The following HTR2C variants were observed in gnomAD, a reference collection of about 807,000 sequenced individuals.
The protein encoded by HTR2C is 5-hydroxytryptamine receptor 2C, also known as 5-hydroxytryptamine (serotonin) receptor 2C, G protein-coupled.
A neutral mutation model predicts 21.0 loss-of-function variants in HTR2C; 5 were observed. The ratio of observed to expected loss-of-function variants is 0.24; its 90% CI spans 0.12 to 0.50. The LOEUF (loss-of-function observed/expected upper bound fraction) is 0.50, where lower values mean the gene tolerates loss of function less well. Among genes scored for constraint, HTR2C ranks in the 20% least tolerant of loss-of-function variants. The probability of loss-of-function intolerance (pLI) is 0.98; values close to 1 mark genes in which losing one functional copy is unlikely to be tolerated. For synonymous variants in HTR2C, 150 were observed against 145.3 expected (o/e 1.03, Z -0.23); for missense variants, 271 against 371.2 (o/e 0.73, Z 2.22).
intron 2 of HTR2C, among the ~76,000 whole-genome samples, chrX:114,645,125 G>T (rs1930313994): frequency 9.0e-6 from 1 of 110,815 alleles, no homozygotes; most frequent in African/African-American, 3.3e-5. Flanking sequence ...CAGAATTTCT[G>T]AGCTGATGGC....
chrX:114,779,488 C>G (rs2070095026), intron 4 of HTR2C, among the ~76,000 whole-genome samples: 1 of 111,529 alleles, frequency 9.0e-6, no homozygotes, highest in Admixed American at 9.6e-5. Flanking sequence ...GTGCAAAAGT[C>G]ATTGCAGTTT....
intron 4 of HTR2C, among the ~76,000 whole-genome samples, chrX:114,800,399 A>G (rs1485778954): frequency 1.8e-5 from 2 of 110,893 alleles, no homozygotes; most frequent in Non-Finnish European, 3.8e-5. Context: ...GAAGGCATTT[A>G]TCTTTTACCC....
chrX:114,830,450 A>C (rs1379927950), intron 4 of HTR2C, among the ~76,000 whole-genome samples: 1 of 110,962 alleles, frequency 9.0e-6, no homozygotes, highest in African/African-American at 3.3e-5. Context: ...GTCTGCTGTT[A>C]TTTATTTTTC....
chrX:114,792,509 C>A (rs1556443917), intron 4 of HTR2C, among the ~76,000 whole-genome samples: 1 of 111,618 alleles, frequency 9.0e-6, no homozygotes, highest in East Asian at 2.8e-4. Flanking sequence ...TTTTCTTTAT[C>A]CACTCAATCA....
chrX:114,605,513 C>T (rs868974376), intron 1 of HTR2C, among the ~76,000 whole-genome samples: 40 of 110,883 alleles, frequency 3.6e-4, no homozygotes, highest in African/African-American at 8.2e-4. Flanking sequence ...AAGGGACTGA[C>T]GTGTAAAAGA....
chrX:114,724,663 CT>C (rs1353321208), intron 2 of HTR2C, among the ~76,000 whole-genome samples: 1 of 106,242 alleles, frequency 9.4e-6, no homozygotes, highest in African/African-American at 3.4e-5. Flanking sequence ...CCACTTGTTC[CT>C]TTCCATGTTT....
At chrX:114,772,325 A>G (rs1411373016) in intron 4 of HTR2C, among the ~76,000 whole-genome samples, 2 of 112,092 alleles carry the variant, frequency 1.8e-5, no homozygotes, top group Non-Finnish European at 3.8e-5. Context: ...ATTATTTCAT[A>G]TCATCTACTA....
At chrX:114,893,481 A>G in intron 5 of HTR2C, among the ~76,000 whole-genome samples, 1 of 111,901 alleles carries the variant, frequency 8.9e-6, no homozygotes, top group East Asian at 2.8e-4. Context: ...AAATGTTCTG[A>G]GGCTTATGTA....
At chrX:114,712,148 G>A (rs782482788) in intron 2 of HTR2C, among the ~76,000 whole-genome samples, 1 of 111,799 alleles carries the variant, frequency 8.9e-6, no homozygotes, top group East Asian at 2.8e-4. Flanking sequence ...ATGCAGTTTT[G>A]AAAAGTAAAG....
intron 1 of HTR2C, among the ~76,000 whole-genome samples, chrX:114,606,609 G>A (rs113353943): frequency 0.047 from 5,255 of 111,781 alleles, 311 homozygotes; most frequent in African/African-American, 0.16. Flanking sequence ...TGGACAGTGA[G>A]AGAGGTTGGA....
At chrX:114,674,618 A>T (rs1556412254) in intron 2 of HTR2C, among the ~76,000 whole-genome samples, 1 of 111,722 alleles carries the variant, frequency 9.0e-6, no homozygotes, top group Non-Finnish European at 1.9e-5. Context: ...CAATGCCCTT[A>T]AGTCAAAATG....
At chrX:114,718,245 A>AG (rs1933053365) in intron 2 of HTR2C, among the ~76,000 whole-genome samples, 1 of 107,616 alleles carries the variant, frequency 9.3e-6, no homozygotes, top group Non-Finnish European at 1.9e-5. Flanking sequence ...ATAGTTTTTA[A>AG]CTTATTTTTT....
chrX:114,669,429 C>A (rs1208249578), intron 2 of HTR2C, among the ~76,000 whole-genome samples: 1 of 111,841 alleles, frequency 8.9e-6, no homozygotes, highest in Non-Finnish European at 1.9e-5. Context: ...TCTTACTGAG[C>A]CCCCTTCGTC....
intron 2 of HTR2C, among the ~76,000 whole-genome samples, chrX:114,699,967 A>T (rs1331125943): frequency 3.6e-5 from 4 of 110,279 alleles, no homozygotes; most frequent in East Asian, 2.8e-4. Flanking sequence ...TAAGTTATAA[A>T]TTTTTGGCAA....
intron 4 of HTR2C, among the ~76,000 whole-genome samples, chrX:114,839,687 AAAAAC>A (rs368109180): frequency 0.03 from 3,277 of 108,786 alleles, 136 homozygotes; most frequent in African/African-American, 0.11. Context: ...ATCCTGTCTC[AAAAAC>A]AAAACAAAAC....
At chrX:114,757,714 T>C (rs1304005197) in intron 4 of HTR2C, among the ~76,000 whole-genome samples, 2 of 112,215 alleles carry the variant, frequency 1.8e-5, no homozygotes, top group Non-Finnish European at 3.8e-5. Context: ...TATTAAATAG[T>C]TCAAATGTGT....
intron 2 of HTR2C, chrX:114,715,435 T>C: frequency 3.7e-6 from 1 of 272,194 alleles, no homozygotes; most frequent in Admixed American, 3.9e-5. Flanking sequence ...GAATTGCTTG[T>C]GGGTGAAGAG....
intron 3 of HTR2C, among the ~76,000 whole-genome samples, chrX:114,729,369 T>C (rs782680324): frequency 1.7e-4 from 19 of 111,756 alleles, no homozygotes; most frequent in Non-Finnish European, 2.8e-4. Flanking sequence ...ATGATGGAGA[T>C]TGTTCTTGTA....
intron 4 of HTR2C, among the ~76,000 whole-genome samples, chrX:114,779,759 C>G (rs1328952419): frequency 8.9e-6 from 1 of 111,907 alleles, no homozygotes; most frequent in Non-Finnish European, 1.9e-5. Context: ...TGTTGCATGT[C>G]AACTTATTTG....
Sources: gnomAD v4.1 joint callset for allele counts (sites outside exome capture counted in the v4.1 genomes callset) on GRCh38, gnomAD v4.1.1 for gene constraint, MANE v1.5 for transcripts, NCBI Gene and HGNC (gene_info 2026-07-23, HGNC 2026-07-21) for gene names.